Variants in TIAM2 observed in about 807,000 individuals in gnomAD.
TIAM2 encodes the protein rho guanine nucleotide exchange factor TIAM2.
TIAM2 carries 80 observed loss-of-function variants against 152.9 expected under a neutral mutation model. The ratio of observed to expected loss-of-function variants is 0.52; its 90% CI spans 0.44 to 0.63. TIAM2 has a LOEUF of 0.63. Ranked by LOEUF, TIAM2 falls within the 30% of genes least tolerant of loss-of-function variation. The pLI, the probability that TIAM2 is intolerant of heterozygous loss-of-function variation, is 0.00. For missense variants in TIAM2, 1,965 were observed against 2,120.1 expected (o/e 0.93, Z 1.44); for synonymous variants, 804 against 838.0 (o/e 0.96, Z 0.70).
chr6:155,028,520 AATAT>A (rs1260527900), intron 1 of TIAM2, among the ~76,000 whole-genome samples: 5 of 132,428 alleles, frequency 3.8e-5, no homozygotes, highest in African/African-American at 1.1e-4. Context: ...TACTACATAT[AATAT>A]ATATACTGTG....
In TIAM2 at chr6:155,090,375, T is replaced by TGTGG. The variant is rs1778273931; in HGVS notation, c.-119_-118+2dup. 6.6e-6 allele frequency: 1 copy of TGTGG among 152,248 alleles called. No homozygotes were observed. The highest frequency in any genetic ancestry group is 2.1e-4 in the South Asian group (1 of 4,832). 9.4% of individuals were successfully genotyped at this position (152,248 alleles called of 1,614,324 possible). ...ACACTAAGTGTCCTCCACATTCCTC[T>TGTGG]GTGGGTAAGTTTGAGGCACTTGTAT... On this transcript the variant is annotated 5_prime_UTR_variant, in exon 2 of 27. It removes the in-frame stop codon of an upstream open reading frame in the 5' UTR. Transcript: ENST00000682666.
chr6:155,240,778 TC>T (rs1782993390), intron 16 of TIAM2, 69 bp downstream of exon 16: 1 of 1,505,546 alleles, frequency 6.6e-7, no homozygotes, highest in Admixed American at 1.9e-5. Context: ...CTGGCAGAGG[TC>T]CCCAGATCAC....
At chr6:155,224,119 C>T (rs753572495) in intron 15 of TIAM2, among the ~76,000 whole-genome samples, 14 of 151,578 alleles carry the variant, frequency 9.2e-5, no homozygotes, top group Non-Finnish European at 1.2e-4. Context: ...AATATTCTTG[C>T]GTAGAGATTG....
chr6:155,029,985 G>C lies in TIAM2; in HGVS notation c.-209+34493G>C, dbSNP rs192372275. On this transcript the variant is annotated intron_variant, in intron 1 of 26. Transcript: ENST00000682666. The stretch of plus-strand genomic sequence containing the variant: ...TTTTTGTATGTTTTGTAGAGATGGG[G>C]GTCTCACCATGTTGCCCAGGCTGGT... Among the ~76,000 whole-genome samples, 132 of 151,806 alleles carry C rather than the reference G, an allele frequency of 8.7e-4. 1 individual carries two copies. The highest frequency in any genetic ancestry group is 2.9e-3 in the African/African-American group (122 of 41,422).
chr6:155,072,160 T>C (rs913028404), intron 1 of TIAM2, among the ~76,000 whole-genome samples: 9 of 152,154 alleles, frequency 5.9e-5, no homozygotes, highest in African/African-American at 1.9e-4. Flanking sequence ...TTGTATGTCA[T>C]GCAAAGAAGT....
chr6:155,256,964 T>G lies in TIAM2; in HGVS notation c.4949T>G (p.Leu1650Arg). The change falls in exon 27 of 27, where the codon CTC (leucine) becomes CGC (arginine). Residue 1650 changes from leucine (L) to arginine (R), a missense_variant. Leu to Arg is a moderately radical substitution (Grantham distance 102, BLOSUM62 -2). Coordinates refer to ENST00000682666, the MANE Select transcript of TIAM2 (RefSeq NM_012454.4). ...NSTKRDRGTLLKAQIRHQSLD... is the reference protein window; with the variant it reads ...NSTKRDRGTLRKAQIRHQSLD... ...ACCAAGAGGGACAGAGGAACTTTGC[T>G]CAAGGCGCAGATCCGTCACCAGTCC... The G allele has an allele frequency of 6.2e-7, 1 of 1,614,120 alleles. No homozygotes were observed. The highest frequency in any genetic ancestry group is 8.5e-7 in the Non-Finnish European group (1 of 1,180,020).
chr6:155,164,133 G>GTTTTTTTTTTTTTTTTTTTTTT (rs375238178), intron 7 of TIAM2, among the ~76,000 whole-genome samples: 3 of 118,052 alleles, frequency 2.5e-5, no homozygotes, highest in African/African-American at 2.9e-5. Context: ...TAATTTTTGT[G>GTTTTTTTTTTTTTTTTTTTTTT]TTTTTTTTTT....
intron 14 of TIAM2, among the ~76,000 whole-genome samples, chr6:155,207,331 CCT>C (rs1449329921): frequency 1.3e-5 from 2 of 152,170 alleles, no homozygotes; most frequent in Non-Finnish European, 2.9e-5. Context: ...GGATACAGGT[CCT>C]GGTGAAATTG....
At chr6:155,010,090 C>G (rs899788382) in intron 1 of TIAM2, among the ~76,000 whole-genome samples, 1 of 152,140 alleles carries the variant, frequency 6.6e-6, no homozygotes, top group Non-Finnish European at 1.5e-5. Context: ...TGTGCCTCAG[C>G]CTCCCGAAGT....
At chr6:155,027,801 T>C (rs1776641351) in intron 1 of TIAM2, among the ~76,000 whole-genome samples, 1 of 94,366 alleles carries the variant, frequency 1.1e-5, no homozygotes, top group Non-Finnish European at 2.0e-5. Context: ...GTTACATATA[T>C]ACTATATATA....
At chr6:155,207,424 GTTGGC>G (rs1781622702) in intron 14 of TIAM2, among the ~76,000 whole-genome samples, 1 of 152,232 alleles carries the variant, frequency 6.6e-6, no homozygotes, top group Non-Finnish European at 1.5e-5. Context: ...CCAGGACAGT[GTTGGC>G]ACATTGCTGG....
Position 155,094,546 on chromosome 6 carries a change from CTTTTTT to C in TIAM2, c.-118+4185_-118+4190del, listed in dbSNP as rs10694318. On this transcript the variant is annotated intron_variant, in intron 2 of 26. Transcript: ENST00000682666. ...CTCAGTCAGGCCTGCTTCACTCAGA[CTTTTTT>C]TTTTTTTTTTTTTTTTTGAGACAGG... is the stretch of plus-strand genomic sequence containing the variant. Among the ~76,000 whole-genome samples, 69 of 79,960 alleles carry C rather than the reference CTTTTTT, an allele frequency of 8.6e-4. 1 individual carries two copies. The South Asian group carries it at 0.031, about 36-fold the overall frequency. The allele number at this position is 79,960 out of a possible 152,430, so 52.5% of individuals were successfully genotyped here.
chr6:155,247,685 A>G (rs2989457), intron 19 of TIAM2, among the ~76,000 whole-genome samples: 52,080 of 152,124 alleles, frequency 0.34, 9,690 homozygotes, highest in Middle Eastern at 0.51. Flanking sequence ...ACCTATAACA[A>G]TATTTCTCAT....
intron 1 of TIAM2, among the ~76,000 whole-genome samples, chr6:155,048,719 G>A (rs1554226858): frequency 6.6e-6 from 1 of 152,128 alleles, no homozygotes; most frequent in Non-Finnish European, 1.5e-5. Context: ...TATTTTCATA[G>A]TGTGGTCAAT....
At chr6:155,244,876 T>C in intron 18 of TIAM2, 93 bp downstream of exon 18, 2 of 1,410,462 alleles carry the variant, frequency 1.4e-6, no homozygotes, top group Admixed American at 2.3e-5. Flanking sequence ...GAATTTCTTG[T>C]CCTGTGACTA....
rs1554223197 is a variant in TIAM2 at position 155,002,873 on chromosome 6, T to TA, written c.-209+7382dup. 5.6e-3 allele frequency among the ~76,000 whole-genome samples: 854 copies of TA among 151,570 alleles called. 6 individuals are homozygous for TA. Among genetic ancestry groups the TA allele is most frequent in the African/African-American group, 0.019 (799 of 41,348 alleles). On this transcript the variant is annotated intron_variant, in intron 1 of 26. Transcript: ENST00000682666. Reference sequence around the variant, plus strand: ...GTTTTGTGTGTGTGTGTTTTTTTTTTAGTAGAGACAGGGTTTCACCATGTT... The same window carrying TA: ...GTTTTGTGTGTGTGTGTTTTTTTTTTAAGTAGAGACAGGGTTTCACCATGTT...
chr6:155,059,637 A>G (rs1777533278), intron 1 of TIAM2, among the ~76,000 whole-genome samples: 1 of 152,044 alleles, frequency 6.6e-6, no homozygotes, highest in Non-Finnish European at 1.5e-5. Context: ...TTGATGTTTT[A>G]TCAGATTAAA....
In TIAM2 at chr6:155,183,474, A is replaced by T; in HGVS notation, c.3038A>T (p.Asp1013Val). The stretch of plus-strand genomic sequence containing the variant: ...TCCCAACTGCTGGAGGAATTCCTGG[A>T]TAACTTTAAAAAGAATACAGCCAAT... ...NQSQLLEEFL[D>V]NFKKNTANDF... The change falls in exon 14 of 27, where the codon GAT becomes GTT. Residue 1013 changes from aspartate (D) to valine (V), a missense_variant. Physicochemically the swap from Asp to Val is radical, Grantham distance 152. Around this residue, in one of 3 missense-constraint regions of TIAM2, gnomAD observed 935 missense variants for 980.0 expected, o/e 0.95. Coordinates refer to ENST00000682666, the MANE Select transcript of TIAM2 (RefSeq NM_012454.4). 7 of 1,613,528 alleles carry T rather than the reference A, an allele frequency of 4.3e-6. No homozygotes were observed. Among genetic ancestry groups the T allele is most frequent in the Non-Finnish European group, 5.9e-6 (7 of 1,179,864 alleles).
At chr6:155,007,444 G>T (rs1778420799) in intron 1 of TIAM2, among the ~76,000 whole-genome samples, 1 of 151,318 alleles carries the variant, frequency 6.6e-6, no homozygotes, top group South Asian at 2.1e-4. Context: ...GAGTACAGTG[G>T]CACAATCTCG....
Sources: gnomAD v4.1 joint callset for allele counts (sites outside exome capture counted in the v4.1 genomes callset) on GRCh38, gnomAD v4.1.1 for gene constraint, gnomAD v4.1.1 regional missense constraint, MANE v1.5 for transcripts, NCBI Gene and HGNC (gene_info 2026-07-23, HGNC 2026-07-21) for gene names.